The following ABCC1 variants were observed in gnomAD, a reference collection of about 807,000 sequenced individuals.
The protein encoded by ABCC1 is multidrug resistance-associated protein 1.
Under a neutral mutation model 172.9 loss-of-function variants are expected in ABCC1, and 83 were observed. The ratio of observed to expected loss-of-function variants is 0.48; its 90% CI spans 0.40 to 0.58. ABCC1 has a LOEUF of 0.58. Among genes scored for constraint, ABCC1 ranks in the 20% least tolerant of loss-of-function variants. ABCC1 has a pLI of 0.00. For missense variants in ABCC1, 1,817 were observed against 2,002.7 expected, an observed-to-expected ratio of 0.91 and a Z score of 1.77; for synonymous variants, 937 against 825.2, an observed-to-expected ratio of 1.14 and a Z score of -2.32.
In ABCC1 at chr16:16,141,615, C is replaced by G; in HGVS notation, c.*334C>G. 3.1e-6 allele frequency: 1 copy of G among 327,248 alleles called. No individual in the cohort carries two copies. The highest frequency in any genetic ancestry group is 4.9e-5 in the South Asian group (1 of 20,360). The allele number at this position is 327,248 out of a possible 1,614,324, so 20.3% of individuals were successfully genotyped here. A position where few individuals can be genotyped will look rare whatever the true frequency, so the allele number is the denominator to read the frequency against. On this transcript the variant is annotated 3_prime_UTR_variant, in exon 31 of 31. Transcript: ENST00000399410. Reference sequence around the variant, plus strand: ...CGGAGGAGTTTTGGCAGCCAGACTTCTGGAGGAATTGGTTGTATAGAAGAT... The same window carrying G: ...CGGAGGAGTTTTGGCAGCCAGACTTGTGGAGGAATTGGTTGTATAGAAGAT...
intron 5 of ABCC1, among the ~76,000 whole-genome samples, chr16:16,028,365 C>T (rs895150357): frequency 5.3e-5 from 8 of 152,108 alleles, no homozygotes; most frequent in East Asian, 1.9e-4. Flanking sequence ...CAGCTCCGTC[C>T]GCGGCACTTC....
Position 16,009,792 on chromosome 16 carries a change from T to C in ABCC1, c.242T>C (p.Leu81Pro). The C allele has an allele frequency of 6.2e-7, 1 of 1,607,486 alleles. No homozygotes were observed. The highest frequency in any genetic ancestry group is 8.5e-7 in the Non-Finnish European group (1 of 1,177,282). Reference sequence around the variant, plus strand: ...CTCTTCCAGGCCTTGGGATTTTTGCTGTGGATCGTCTGCTGGGCAGACCTC... The same window carrying C: ...CTCTTCCAGGCCTTGGGATTTTTGCCGTGGATCGTCTGCTGGGCAGACCTC... Reference protein sequence around the residue: ...NKTKTALGFLLWIVCWADLFY... With the variant: ...NKTKTALGFLPWIVCWADLFY... Residue 81 changes from leucine to proline, a missense_variant, in exon 3 of 31, where the codon CTG becomes CCG. Coordinates refer to ENST00000399410, the MANE Select transcript of ABCC1 (RefSeq NM_004996.4).
At chr16:16,081,104 G>A (rs2050789133) in intron 16 of ABCC1, among the ~76,000 whole-genome samples, 1 of 152,174 alleles carries the variant, frequency 6.6e-6, no homozygotes, top group African/African-American at 2.4e-5. Context: ...CTAACCTCAG[G>A]TGATCTCCCC....
At chr16:15,956,482 A>G (rs553897892) in intron 1 of ABCC1, among the ~76,000 whole-genome samples, 85 of 152,124 alleles carry the variant, frequency 5.6e-4, no homozygotes, top group African/African-American at 1.9e-3. Flanking sequence ...TAAGCAGTTG[A>G]TAACACTAAT....
At chr16:16,018,153 T>G (rs1355380508) in intron 5 of ABCC1, among the ~76,000 whole-genome samples, 1 of 152,162 alleles carries the variant, frequency 6.6e-6, no homozygotes, top group Non-Finnish European at 1.5e-5. Context: ...GGGTTTGGCC[T>G]AAACCTCTGT....
chr16:16,112,036 T>C (rs984308550), intron 22 of ABCC1, among the ~76,000 whole-genome samples: 2 of 152,168 alleles, frequency 1.3e-5, no homozygotes, highest in African/African-American at 4.8e-5. Context: ...CTGGAGATGC[T>C]TTTGGTTGTC....
chr16:15,985,598 C>A (rs955141758), intron 1 of ABCC1, among the ~76,000 whole-genome samples: 1 of 152,070 alleles, frequency 6.6e-6, no homozygotes, highest in African/African-American at 2.4e-5. Flanking sequence ...GTGTGCACCA[C>A]CATGCCCAGC....
rs2046498236 is a variant in ABCC1 at position 15,976,642 on chromosome 16, C to G, written c.48+26843C>G. 2.6e-5 allele frequency among the ~76,000 whole-genome samples: 4 copies of G among 152,252 alleles called. No individual in the cohort carries two copies. In the East Asian group the frequency reaches 7.7e-4, roughly 29 times the overall value. On this transcript the variant is annotated intron_variant, in intron 1 of 30. Coordinates refer to ENST00000399410, the MANE Select transcript of ABCC1 (RefSeq NM_004996.4). ...GGAGGCTGGAGGATTAGTCAGTCTA[C>G]TAAGGGGGCTTCAGCATTTTGGCAC...
At chr16:15,949,206 G>C (rs2045790437), upstream of ABCC1, among the ~76,000 whole-genome samples, 1 of 152,144 alleles carries the variant, frequency 6.6e-6, no homozygotes, top group Non-Finnish European at 1.5e-5. Context: ...TGAACGTGGA[G>C]ACTTTACAGG....
At chr16:16,007,747 A>G in intron 1 of ABCC1, 69 bp from the exon 2 acceptor site, 1 of 1,470,778 alleles carries the variant, frequency 6.8e-7, no homozygotes, top group Non-Finnish European at 9.1e-7. Flanking sequence ...AGCTGGTTTC[A>G]TGCTCCAGGC....
chr16:16,043,520 A>T (rs1440090468), intron 7 of ABCC1, among the ~76,000 whole-genome samples: 1 of 151,838 alleles, frequency 6.6e-6, no homozygotes, highest in Non-Finnish European at 1.5e-5. Flanking sequence ...GCTGGTCTTG[A>T]ACCTGCCGAC....
chr16:16,064,588 A>C lies in ABCC1; in HGVS notation c.1678-3568A>C, dbSNP rs920053218. On this transcript the variant is annotated intron_variant, in intron 12 of 30. Transcript: ENST00000399410. ...GGCATCGATTGGTACTTGGCTCACC[A>C]AGGGGGCTGGTACGTTTTGGTGGTG... 3.9e-5 allele frequency among the ~76,000 whole-genome samples: 6 copies of C among 152,316 alleles called. No homozygotes were observed. In the East Asian group the frequency reaches 1.2e-3, roughly 29 times the overall value.
Position 16,116,530 on chromosome 16 carries a change from G to A in ABCC1, c.3390+1454G>A, listed in dbSNP as rs8050655. Among the ~76,000 whole-genome samples the A allele has an allele frequency of 4.5e-3, 688 of 152,040 alleles. 8 individuals carry two copies. The highest frequency in any genetic ancestry group is 0.015 in the African/African-American group (642 of 41,478). ...ATAGAACAATTATAACAATATGCCA[G>A]TATCACTACTTCTCCACATTAGAGG... On this transcript the variant is annotated intron_variant, in intron 23 of 30. Transcript: ENST00000399410.
chr16:15,971,383 G>A (rs1207740595), intron 1 of ABCC1, among the ~76,000 whole-genome samples: 1 of 152,190 alleles, frequency 6.6e-6, no homozygotes, highest in African/African-American at 2.4e-5. Context: ...TGTTTGGGTG[G>A]ACCCAGTTTC....
At chr16:16,073,717 A>G (rs1020709243) in intron 14 of ABCC1, among the ~76,000 whole-genome samples, 3 of 152,168 alleles carry the variant, frequency 2.0e-5, no homozygotes, top group Non-Finnish European at 2.9e-5. Context: ...TGATCATGCC[A>G]CTGTACTCCA....
rs1387380592 is a variant in ABCC1, at chr16:16,143,008, C to A, written c.*1727C>A. Reference sequence around the variant, plus strand: ...TGGGGGATCCTTTTGTAATGACTTACACTGGAAATGCGAACATTTGCAGTA... The same window carrying A: ...TGGGGGATCCTTTTGTAATGACTTAAACTGGAAATGCGAACATTTGCAGTA... On this transcript the variant is annotated 3_prime_UTR_variant, in exon 31 of 31. Transcript: ENST00000399410. The A allele has an allele frequency of 6.6e-6, 1 of 152,194 alleles. No homozygotes were observed. The highest frequency in any genetic ancestry group is 1.9e-4 in the East Asian group (1 of 5,202). The allele number at this position is 152,194 out of a possible 1,614,324, so 9.4% of individuals were successfully genotyped here.
intron 12 of ABCC1, 77 bp from the exon 13 acceptor site, chr16:16,068,079 C>T: frequency 1.3e-6 from 2 of 1,582,444 alleles, no homozygotes; most frequent in Non-Finnish European, 1.7e-6. Flanking sequence ...AAGCGCGTCT[C>T]CAGGGCCTGT....
chr16:16,092,308 A>G (rs1190034549), intron 19 of ABCC1, among the ~76,000 whole-genome samples: 1 of 152,068 alleles, frequency 6.6e-6, no homozygotes, highest in Non-Finnish European at 1.5e-5. Context: ...ACAAAATCCA[A>G]CCATCACCAC....
At chr16:16,014,748 G>T in intron 4 of ABCC1, 120 bp downstream of exon 4, 1 of 1,193,658 alleles carries the variant, frequency 8.4e-7, no homozygotes, top group Non-Finnish European at 1.2e-6. Context: ...GGTACCACAT[G>T]CACCTAGCTT....
Sources: allele counts gnomAD v4.1 joint callset (sites outside exome capture counted in the v4.1 genomes callset), GRCh38; gene constraint gnomAD v4.1.1; transcripts MANE v1.5; gene names NCBI Gene and HGNC (gene_info 2026-07-23, HGNC 2026-07-21).